The following CAB39L variants were observed in gnomAD, a reference collection of about 807,000 sequenced individuals.
The protein encoded by CAB39L is calcium-binding protein 39-like.
A neutral mutation model predicts 39.1 loss-of-function variants in CAB39L; 23 were observed. That is an observed-to-expected ratio of 0.59 (90% CI 0.42 to 0.83). CAB39L has a LOEUF of 0.83. CAB39L is among the 40% of genes least tolerant of loss of function. CAB39L has a pLI of 0.00. For missense variants in CAB39L, 366 were observed against 391.9 expected, an observed-to-expected ratio of 0.93 and a Z score of 0.56; for synonymous variants, 126 against 137.2, an observed-to-expected ratio of 0.92 and a Z score of 0.57.
At chr13:49,365,086 G>A (rs1955737932) in intron 5 of CAB39L, among the ~76,000 whole-genome samples, 1 of 152,056 alleles carries the variant, frequency 6.6e-6, no homozygotes, top group African/African-American at 2.4e-5. Flanking sequence ...CATGATACTG[G>A]CATAAAAATA....
intron 3 of CAB39L, among the ~76,000 whole-genome samples, chr13:49,417,401 C>T (rs1957102705): frequency 1.3e-5 from 2 of 152,210 alleles, no homozygotes; most frequent in African/African-American, 4.8e-5. Flanking sequence ...CCAGGCCATC[C>T]AAAAACCCCA....
intron 9 of CAB39L, among the ~76,000 whole-genome samples, chr13:49,337,890 A>G (rs902645928): frequency 2.0e-5 from 3 of 152,172 alleles, no homozygotes; most frequent in African/African-American, 7.2e-5. Context: ...CTGTTTTCCA[A>G]CAACAGAATG....
intron 3 of CAB39L, among the ~76,000 whole-genome samples, chr13:49,401,803 G>C (rs905340709): frequency 6.6e-6 from 1 of 152,118 alleles, no homozygotes; most frequent in Non-Finnish European, 1.5e-5. Flanking sequence ...AAGTCATGTT[G>C]ATAGTAATAA....
At chr13:49,425,435 A>G (rs938360605) in intron 3 of CAB39L, among the ~76,000 whole-genome samples, 2 of 152,232 alleles carry the variant, frequency 1.3e-5, no homozygotes, top group Non-Finnish European at 2.9e-5. Flanking sequence ...ATATGTCTAT[A>G]CACACGTATA....
rs192851092 is a variant in CAB39L, at chr13:49,334,011, A to G, written c.691-1921T>C. Among the ~76,000 whole-genome samples the G allele has an allele frequency of 1.5e-4, 23 of 152,284 alleles. No homozygotes were observed. In the East Asian group the frequency reaches 3.5e-3, roughly 23 times the overall value. On this transcript the variant is annotated intron_variant, in intron 9 of 10. Coordinates refer to ENST00000409308, the MANE Select transcript of CAB39L (RefSeq NM_001079670.3). ...GAGCTGCCCTCCTCCGGTTGGGAAG[A>G]GAATTGGTCTTCCTTAGCTCCTTTC...
intron 4 of CAB39L, among the ~76,000 whole-genome samples, chr13:49,380,018 T>A (rs1956219792): frequency 6.6e-6 from 1 of 152,074 alleles, no homozygotes; most frequent in Non-Finnish European, 1.5e-5. Context: ...ATTTTTATAC[T>A]TTTAGTAGAG....
chr13:49,423,680 A>C (rs1957205446), intron 3 of CAB39L, among the ~76,000 whole-genome samples: 1 of 152,142 alleles, frequency 6.6e-6, no homozygotes, highest in Non-Finnish European at 1.5e-5. Flanking sequence ...ACAAGTAAGC[A>C]ACTCTCTTCC....
chr13:49,396,793 T>C lies in CAB39L; in HGVS notation c.-31-13852A>G, dbSNP rs1246375984. Among the ~76,000 whole-genome samples the C allele has an allele frequency of 5.3e-5, 8 of 152,230 alleles. No individual in the cohort carries two copies. In the East Asian group the frequency reaches 1.5e-3, roughly 29 times the overall value. ...AATAGGATTCACAGATAGAAAGAAA[T>C]GAAATCAAGTGTACATGGCAAAAAA... On this transcript the variant is annotated intron_variant, in intron 3 of 10. Transcript: ENST00000409308.
intron 3 of CAB39L, among the ~76,000 whole-genome samples, chr13:49,402,214 T>TA (rs1414827626): frequency 1.3e-5 from 2 of 152,114 alleles, no homozygotes; most frequent in Admixed American, 1.3e-4. Flanking sequence ...TTACAAAGTC[T>TA]AAAGGCTACA....
chr13:49,409,223 G>A (rs1351431527), intron 3 of CAB39L, among the ~76,000 whole-genome samples: 1 of 152,138 alleles, frequency 6.6e-6, no homozygotes, highest in Non-Finnish European at 1.5e-5. Context: ...GGTAACACTG[G>A]CTCTGATTCA....
chr13:49,415,824 G>T (rs1324554685), intron 3 of CAB39L, among the ~76,000 whole-genome samples: 2 of 152,126 alleles, frequency 1.3e-5, no homozygotes, highest in African/African-American at 2.4e-5. Flanking sequence ...ACAAATATTT[G>T]TTAATAAATC....
Position 49,339,669 on chromosome 13 carries a change from G to A in CAB39L, c.690+8C>T. The A allele has an allele frequency of 6.4e-7, 1 of 1,562,446 alleles. No homozygotes were observed. The highest frequency in any genetic ancestry group is 1.4e-5 in the African/African-American group (1 of 72,724). ...CGGGGACACTGACTTAAAGAAATTT[G>A]ATATTACCTTTAAAGACTGTCTCTT... is the stretch of plus-strand genomic sequence containing the variant. On this transcript the variant is annotated splice_region_variant and intron_variant, in intron 9 of 10. Transcript: ENST00000409308.
intron 3 of CAB39L, among the ~76,000 whole-genome samples, chr13:49,416,110 C>T (rs1957080570): frequency 6.6e-6 from 1 of 152,196 alleles, no homozygotes; most frequent in East Asian, 1.9e-4. Context: ...TTATGCTGAA[C>T]CACATCTTCT....
At chr13:49,359,352 C>T (rs1280306562) in intron 6 of CAB39L, among the ~76,000 whole-genome samples, 3 of 151,900 alleles carry the variant, frequency 2.0e-5, no homozygotes, top group Admixed American at 2.0e-4. Context: ...TATGTGTGTG[C>T]TTATGTGCGT....
intron 3 of CAB39L, among the ~76,000 whole-genome samples, chr13:49,422,837 G>A (rs532389624): frequency 3.1e-4 from 47 of 152,038 alleles, no homozygotes; most frequent in African/African-American, 1.1e-3. Flanking sequence ...ATTAGTTACC[G>A]TGCAATTCTT....
intron 3 of CAB39L, among the ~76,000 whole-genome samples, chr13:49,417,890 GAAA>G (rs1337991528): frequency 6.6e-6 from 1 of 152,136 alleles, no homozygotes; most frequent in Non-Finnish European, 1.5e-5. Context: ...TGGCTATAAT[GAAA>G]AAGACATACT....
intron 7 of CAB39L, among the ~76,000 whole-genome samples, chr13:49,347,436 T>C (rs529798545): frequency 2.0e-4 from 31 of 152,346 alleles, no homozygotes; most frequent in African/African-American, 7.5e-4. Context: ...TCCTCCTCTA[T>C]TGGCGTTTGT....
intron 3 of CAB39L, among the ~76,000 whole-genome samples, chr13:49,416,925 T>C (rs1957095127): frequency 2.0e-5 from 3 of 152,174 alleles, no homozygotes; most frequent in Admixed American, 2.0e-4. Context: ...ATGCTCTTGT[T>C]AGAAGCAGAA....
intron 10 of CAB39L, among the ~76,000 whole-genome samples, chr13:49,314,480 T>C (rs2138328153): frequency 6.6e-6 from 1 of 152,162 alleles, no homozygotes; most frequent in African/African-American, 2.4e-5. Flanking sequence ...TCTGGTCAAC[T>C]GTACACACGA....
Sources: allele counts gnomAD v4.1 joint callset (sites outside exome capture counted in the v4.1 genomes callset), GRCh38; gene constraint gnomAD v4.1.1; transcripts MANE v1.5; gene names NCBI Gene and HGNC (gene_info 2026-07-23, HGNC 2026-07-21).